The following CFAP54 variants were observed in gnomAD, a reference collection of about 807,000 sequenced individuals.
CFAP54 encodes the protein cilia and flagella associated protein 54, also known as cilia- and flagella-associated protein 54.
CFAP54 carries 290 observed loss-of-function variants against 370.4 expected under a neutral mutation model. The observed-to-expected ratio is 0.78, with a 90% CI of 0.71 to 0.86. The LOEUF (loss-of-function observed/expected upper bound fraction) is 0.86, where lower values mean the gene tolerates loss of function less well. CFAP54 is among the 40% of genes least tolerant of loss of function. The pLI is 0.00. For missense variants in CFAP54, 3,399 were observed against 3,528.7 expected (o/e 0.96, Z 0.93); for synonymous variants, 1,206 against 1,236.5 (o/e 0.98, Z 0.52).
At chr12:96,510,647 A>G (rs1172355560) in intron 4 of CFAP54, among the ~76,000 whole-genome samples, 1 of 152,026 alleles carries the variant, frequency 6.6e-6, no homozygotes, top group African/African-American at 2.4e-5. Flanking sequence ...TTTCCTGCAA[A>G]GAAACACTTA....
chr12:96,501,050 A>C, intron 2 of CFAP54, 111 bp downstream of exon 2: 2 of 602,886 alleles, frequency 3.3e-6, no homozygotes, highest in South Asian at 3.1e-5. Flanking sequence ...TTCTCTTAGA[A>C]AAAAATAAAT....
At chr12:96,524,047 T>C (rs569329977) in intron 8 of CFAP54, among the ~76,000 whole-genome samples, 217 of 152,254 alleles carry the variant, frequency 1.4e-3, no homozygotes, top group African/African-American at 5.0e-3. Context: ...CTGTTTTCTG[T>C]GTATGAAATA....
At chr12:96,517,039 G>A (rs1955244108) in intron 5 of CFAP54, among the ~76,000 whole-genome samples, 1 of 148,074 alleles carries the variant, frequency 6.8e-6, no homozygotes, top group Non-Finnish European at 1.5e-5. Context: ...TAGTCCTGAT[G>A]TATCCTATTA....
Position 96,576,662 on chromosome 12 carries a change from A to G in CFAP54, c.2697A>G (p.Ser899=), listed in dbSNP as rs930804982. Residue 899 remains serine, a synonymous_variant, in exon 20 of 68, where the codon TCA becomes TCG. Transcript: ENST00000524981. ...CCTATCAGAAATATTTGGAAAGTTC[A>G]AAAAGAAAGAAAAGCAGAGTCCCCC... ...LYSYQKYLES[S]KRKKSRVPPP... is the part of the protein sequence containing the mutation. 1 of 1,535,618 alleles carries G rather than the reference A, an allele frequency of 6.5e-7. No individual in the cohort carries two copies. Among genetic ancestry groups the G allele is most frequent in the Non-Finnish European group, 8.7e-7 (1 of 1,146,606 alleles).
chr12:96,697,918 T>A (rs930376311), intron 45 of CFAP54, among the ~76,000 whole-genome samples: 1 of 152,170 alleles, frequency 6.6e-6, no homozygotes, highest in Non-Finnish European at 1.5e-5. Context: ...CACATTCACC[T>A]CCTGACCTCC....
In CFAP54 at chr12:96,581,077, C is replaced by G. The variant is rs532794212; in HGVS notation, c.3047C>G (p.Thr1016Ser). 344 of 1,518,502 alleles carry G rather than the reference C, an allele frequency of 2.3e-4. 2 individuals carry two copies. The highest frequency in any genetic ancestry group is 2.7e-4 in the Non-Finnish European group (310 of 1,139,110). The allele number at this position is 1,518,502 out of a possible 1,614,324, so 94.1% of individuals were successfully genotyped here. Residue 1016 changes from threonine (T) to serine (S), a missense_variant, in exon 22 of 68, where the codon ACT becomes AGT. Around this residue, in one of 3 missense-constraint regions of CFAP54, gnomAD observed 2,796 missense variants for 2,869.7 expected, o/e 0.97. Transcript: ENST00000524981. ...ATTCTGGTTTATCCCCCTCTTTCTA[C>G]TATTACTGCTCGGATGTTCCTGACA... ...KPILVYPPLS[T>S]ITARMFLTQV...
chr12:96,666,736 G>C (rs1957085696), intron 39 of CFAP54, among the ~76,000 whole-genome samples: 2 of 152,066 alleles, frequency 1.3e-5, no homozygotes, highest in Admixed American at 6.5e-5. Flanking sequence ...GATTTGGGTG[G>C]GGATACAGCC....
intron 61 of CFAP54, among the ~76,000 whole-genome samples, chr12:96,785,656 G>C (rs535813146): frequency 5.3e-5 from 8 of 152,286 alleles, no homozygotes; most frequent in African/African-American, 1.9e-4. Context: ...ACATGGACAA[G>C]AGCCAGTGCA....
At chr12:96,501,893 A>G (rs1008142277) in intron 2 of CFAP54, among the ~76,000 whole-genome samples, 23 of 152,364 alleles carry the variant, frequency 1.5e-4, no homozygotes, top group Middle Eastern at 3.4e-3. Context: ...AAACTTGAAA[A>G]TACAGGGCTT....
intron 60 of CFAP54, among the ~76,000 whole-genome samples, chr12:96,783,978 A>AGT (rs544717718): frequency 7.0e-4 from 106 of 152,300 alleles, no homozygotes; most frequent in Admixed American, 3.4e-3. Flanking sequence ...CACACTAGTG[A>AGT]GTGTATAGCT....
chr12:96,497,293 G>T (rs544606582), intron 1 of CFAP54, among the ~76,000 whole-genome samples: 1 of 152,288 alleles, frequency 6.6e-6, no homozygotes, highest in South Asian at 2.1e-4. Flanking sequence ...GTGAAAAAAG[G>T]TACATATATA....
chr12:96,701,326 T>C (rs1337372003), intron 46 of CFAP54, among the ~76,000 whole-genome samples: 3 of 152,148 alleles, frequency 2.0e-5, no homozygotes, highest in Admixed American at 6.5e-5. Flanking sequence ...CAATATTTTC[T>C]TGCTTGCTCC....
intron 48 of CFAP54, among the ~76,000 whole-genome samples, chr12:96,714,365 G>A (rs990349380): frequency 3.3e-5 from 5 of 152,188 alleles, no homozygotes; most frequent in Non-Finnish European, 7.3e-5. Context: ...CTGGAGCTCA[G>A]GAGAGAAGTC....
At chr12:96,639,611 G>T (rs1325030114) in intron 32 of CFAP54, among the ~76,000 whole-genome samples, 2 of 152,162 alleles carry the variant, frequency 1.3e-5, no homozygotes, top group African/African-American at 4.8e-5. Flanking sequence ...CCAAAGCTTA[G>T]CAGAGAGACA....
intron 26 of CFAP54, among the ~76,000 whole-genome samples, chr12:96,600,061 A>T (rs1280132615): frequency 6.6e-6 from 1 of 152,142 alleles, no homozygotes; most frequent in African/African-American, 2.4e-5. Context: ...TGTTTTAGTC[A>T]TGAAGTCTTT....
chr12:96,750,908 G>T (rs980955374), intron 55 of CFAP54, among the ~76,000 whole-genome samples: 5 of 152,112 alleles, frequency 3.3e-5, no homozygotes, highest in Admixed American at 2.6e-4. Context: ...GATATTTACT[G>T]GAAAAAGGAG....
At chr12:96,539,114 C>T (rs536289489) in intron 13 of CFAP54, among the ~76,000 whole-genome samples, 2 of 134,516 alleles carry the variant, frequency 1.5e-5, no homozygotes, top group Admixed American at 1.7e-4. Context: ...CTCTGTCACT[C>T]AGTCTGGAGT....
intron 50 of CFAP54, among the ~76,000 whole-genome samples, chr12:96,722,145 C>G (rs1434558035): frequency 6.6e-6 from 1 of 152,214 alleles, no homozygotes; most frequent in African/African-American, 2.4e-5. Flanking sequence ...CACCAACCAC[C>G]ATAAAACTCC....
At chr12:96,704,649 A>G (rs1302449689) in intron 46 of CFAP54, 94 bp from the exon 47 acceptor site, 13 of 434,386 alleles carry the variant, frequency 3.0e-5, no homozygotes, top group Non-Finnish European at 5.0e-5. Flanking sequence ...AATAAAAATG[A>G]TAATTAAAAT....
Sources: allele counts gnomAD v4.1 joint callset (sites outside exome capture counted in the v4.1 genomes callset), GRCh38; gene constraint gnomAD v4.1.1; regional missense constraint gnomAD v4.1.1; transcripts MANE v1.5; gene names NCBI Gene and HGNC (gene_info 2026-07-23, HGNC 2026-07-21).